The following SLC1A7 variants were observed in gnomAD, a reference collection of about 807,000 sequenced individuals.
The protein encoded by SLC1A7 is solute carrier family 1 member 7, also known as excitatory amino acid transporter 5.
A neutral mutation model predicts 47.7 loss-of-function variants in SLC1A7; 40 were observed. The observed-to-expected ratio is 0.84, with a 90% CI of 0.65 to 1.09. The LOEUF (loss-of-function observed/expected upper bound fraction) is 1.09. Among genes scored for constraint, SLC1A7 ranks in the 50% least tolerant of loss-of-function variants. SLC1A7 has a pLI of 0.00. For synonymous variants in SLC1A7, 323 were observed against 325.6 expected, an observed-to-expected ratio of 0.99 and a Z score of 0.09; for missense variants, 746 against 769.5, an observed-to-expected ratio of 0.97 and a Z score of 0.36.
intron 1 of SLC1A7, 52 bp downstream of exon 1, chr1:53,142,263 G>A: frequency 6.5e-7 from 1 of 1,534,522 alleles, no homozygotes; most frequent in South Asian, 1.2e-5. Context: ...AGATCCCTCA[G>A]GCCCACACGC....
At position 53,104,725 on chromosome 1, in the gene SLC1A7, C is replaced by T. The variant is rs180671547; in HGVS notation, c.474+1007G>A. The stretch of plus-strand genomic sequence containing the variant: ...CCTATTCAGAAGCCTCCTCTCTATA[C>T]CTCAGCCACTTCCTTTGTGTCCCCA... On this transcript the variant is annotated intron_variant, in intron 4 of 10. Coordinates refer to ENST00000371494, the MANE Select transcript of SLC1A7 (RefSeq NM_006671.6). Among the ~76,000 whole-genome samples the T allele has an allele frequency of 1.6e-3, 248 of 152,366 alleles. 2 individuals are homozygous for T. The highest frequency in any genetic ancestry group is 5.5e-3 in the African/African-American group (228 of 41,578).
At chr1:53,134,085 A>G (rs1457434030) in intron 2 of SLC1A7, among the ~76,000 whole-genome samples, 1 of 152,096 alleles carries the variant, frequency 6.6e-6, no homozygotes, top group Non-Finnish European at 1.5e-5. Flanking sequence ...CCTGGCCTTG[A>G]GCTATCTTGG....
rs1644436062 is a variant in SLC1A7, at chr1:53,092,621, T to C, written c.964A>G (p.Lys322Glu). The change falls in exon 7 of 11, where the codon AAG (lysine) becomes GAG (glutamate). Residue 322 changes from lysine (K) to glutamate (E), a missense_variant. Coordinates refer to ENST00000371494, the MANE Select transcript of SLC1A7 (RefSeq NM_006671.6). ...CCACGGATGAAGACGATGGGATTCT[T>C]CTTGGTGATGAAGAAGTAGAGCAGG... Reference protein sequence around the residue: ...LPLLYFFITKKNPIVFIRGIL... With the variant: ...LPLLYFFITKENPIVFIRGIL... The C allele has an allele frequency of 1.9e-6, 3 of 1,614,004 alleles. No individual in the cohort carries two copies. The highest frequency in any genetic ancestry group is 2.5e-6 in the Non-Finnish European group (3 of 1,180,012).
chr1:53,114,106 A>G (rs540307480), intron 3 of SLC1A7, among the ~76,000 whole-genome samples: 1 of 152,274 alleles, frequency 6.6e-6, no homozygotes, highest in East Asian at 1.9e-4. Context: ...CTGGCACAGA[A>G]CTGGCACTGG....
At chr1:53,112,895 T>C (rs377757727) in intron 3 of SLC1A7, among the ~76,000 whole-genome samples, 2 of 152,018 alleles carry the variant, frequency 1.3e-5, no homozygotes, top group African/African-American at 4.8e-5. Flanking sequence ...AGAGAACCCA[T>C]AGAAGTAGTC....
At chr1:53,104,170 G>A (rs565307784) in intron 4 of SLC1A7, among the ~76,000 whole-genome samples, 3 of 152,140 alleles carry the variant, frequency 2.0e-5, no homozygotes, top group African/African-American at 7.2e-5. Flanking sequence ...TCACTGCATC[G>A]ATAAGGCCAA....
chr1:53,131,153 A>T (rs979656711), intron 2 of SLC1A7, among the ~76,000 whole-genome samples: 1 of 152,130 alleles, frequency 6.6e-6, no homozygotes, highest in Admixed American at 6.5e-5. Flanking sequence ...CAGCCAAGAG[A>T]ACACTGAGTC....
chr1:53,105,891 G>T, intron 3 of SLC1A7, 117 bp from the exon 4 acceptor site: 1 of 785,384 alleles, frequency 1.3e-6, no homozygotes. Context: ...CCTCAGGCCA[G>T]CCTCCTCTGC....
At chr1:53,120,654 A>G (rs1194135159) in intron 2 of SLC1A7, among the ~76,000 whole-genome samples, 1 of 152,180 alleles carries the variant, frequency 6.6e-6, no homozygotes, top group African/African-American at 2.4e-5. Flanking sequence ...GCCTTCCCTG[A>G]CTGCAGCCAT....
rs184427719 is a variant in SLC1A7, at chr1:53,133,111, G to A, written c.215+1239C>T. On this transcript the variant is annotated intron_variant, in intron 2 of 10. Transcript: ENST00000371494. Reference sequence around the variant, plus strand: ...AGTTAGAAGAGTGTGAGTCCATAGGGAAGGGCATTTCATGAGGGCAAGAGT... The same window carrying A: ...AGTTAGAAGAGTGTGAGTCCATAGGAAAGGGCATTTCATGAGGGCAAGAGT... Among the ~76,000 whole-genome samples the A allele has an allele frequency of 1.1e-4, 17 of 152,326 alleles. No homozygotes were observed. The East Asian group carries it at 3.3e-3, about 29-fold the overall frequency.
In SLC1A7 at chr1:53,098,820, C is replaced by T. The variant is rs79560803; in HGVS notation, c.697+4526G>A. Among the ~76,000 whole-genome samples the T allele has an allele frequency of 9.9e-3, 1,495 of 151,666 alleles. 9 individuals carry two copies. Among genetic ancestry groups the T allele is most frequent in the Non-Finnish European group, 0.015 (1,016 of 67,860 alleles). On this transcript the variant is annotated intron_variant, in intron 5 of 10. Transcript: ENST00000371494. ...TGCTTCAGTACACTCACACACCCTG[C>T]CTTGGTACACTCACACCGCCTTGGT... is the stretch of plus-strand genomic sequence containing the variant.
In SLC1A7 at chr1:53,142,439, T is replaced by G; in HGVS notation, c.11A>C (p.His4Pro). MVP[H>P]AILARGRDVC... ...GTCCCTCCCCCGTGCCAAGATGGCA[T>G]GCGGCACCATGGTGAGCCTGGCCTG... The change falls in exon 1 of 11, where the codon CAT becomes CCT. Residue 4 changes from histidine to proline, a missense_variant. Transcript: ENST00000371494. The G allele has an allele frequency of 6.2e-7, 1 of 1,613,332 alleles. No homozygotes were observed. The highest frequency in any genetic ancestry group is 8.5e-7 in the Non-Finnish European group (1 of 1,179,754).
chr1:53,134,785 C>G (rs374490161), intron 1 of SLC1A7, among the ~76,000 whole-genome samples: 1 of 152,098 alleles, frequency 6.6e-6, no homozygotes, highest in East Asian at 1.9e-4. Flanking sequence ...AGAGACTGAA[C>G]CCTGTGGACG....
rs538794902 is a variant in SLC1A7 at position 53,122,035 on chromosome 1, G to T, written c.216-7062C>A. ...GCAGCTGGGGGGCTGGGGGGCAGGTGCTGTGTGGTCCGGAGCGGAGCAGAC... is the reference window on the plus strand; with the variant it reads ...GCAGCTGGGGGGCTGGGGGGCAGGTTCTGTGTGGTCCGGAGCGGAGCAGAC... On this transcript the variant is annotated intron_variant, in intron 2 of 10. Coordinates refer to ENST00000371494, the MANE Select transcript of SLC1A7 (RefSeq NM_006671.6). Among the ~76,000 whole-genome samples the T allele has an allele frequency of 7.9e-5, 12 of 152,208 alleles. No individual in the cohort carries two copies. The East Asian group carries it at 2.3e-3, about 30-fold the overall frequency.
intron 4 of SLC1A7, among the ~76,000 whole-genome samples, chr1:53,105,186 G>A (rs1283708698): frequency 6.6e-6 from 1 of 152,192 alleles, no homozygotes; most frequent in Non-Finnish European, 1.5e-5. Flanking sequence ...TAGAACTAGA[G>A]ATGATTTTTG....
intron 1 of SLC1A7, among the ~76,000 whole-genome samples, chr1:53,136,167 A>T (rs1250493823): frequency 6.9e-6 from 1 of 144,636 alleles, no homozygotes; most frequent in African/African-American, 2.5e-5. Context: ...ATATATATAT[A>T]AAATAATATA....
intron 2 of SLC1A7, among the ~76,000 whole-genome samples, chr1:53,121,703 C>A (rs886815748): frequency 1.3e-5 from 2 of 152,168 alleles, no homozygotes; most frequent in African/African-American, 4.8e-5. Flanking sequence ...TGTGTTGGGC[C>A]GCACTTGGCT....
In SLC1A7 at chr1:53,117,026, G is replaced by A. The variant is rs546941939; in HGVS notation, c.216-2053C>T. Among the ~76,000 whole-genome samples the A allele has an allele frequency of 6.5e-4, 99 of 152,306 alleles. 1 individual carries two copies. In the South Asian group the frequency reaches 0.015, roughly 23 times the overall value. On this transcript the variant is annotated intron_variant, in intron 2 of 10. Coordinates refer to ENST00000371494, the MANE Select transcript of SLC1A7 (RefSeq NM_006671.6). ...GGAGCATCAGAACCGCAAGGGAAGCGGGGACAAGGAAATGCTGTCTTTGTT... is the reference window on the plus strand; with the variant it reads ...GGAGCATCAGAACCGCAAGGGAAGCAGGGACAAGGAAATGCTGTCTTTGTT...
At chr1:53,125,475 A>G (rs932625051) in intron 2 of SLC1A7, among the ~76,000 whole-genome samples, 1 of 152,158 alleles carries the variant, frequency 6.6e-6, no homozygotes, top group South Asian at 2.1e-4. Flanking sequence ...GAGGAAAAAG[A>G]CTAAGACCTG....
Sources: gnomAD v4.1 joint callset for allele counts (sites outside exome capture counted in the v4.1 genomes callset) on GRCh38, gnomAD v4.1.1 for gene constraint, MANE v1.5 for transcripts, NCBI Gene and HGNC (gene_info 2026-07-23, HGNC 2026-07-21) for gene names.